The following BANK1 variants were observed in gnomAD, a reference collection of about 807,000 sequenced individuals.
The protein encoded by BANK1 is B cell scaffold protein with ankyrin repeats 1.
Under a neutral mutation model 94.5 loss-of-function variants are expected in BANK1, and 95 were observed. That is an observed-to-expected ratio of 1.00 (90% CI 0.85 to 1.19). The LOEUF (loss-of-function observed/expected upper bound fraction) is 1.19. Among genes scored for constraint, BANK1 ranks in the 50% most tolerant of loss-of-function variants. BANK1 has a pLI of 0.00. For missense variants in BANK1, 987 were observed against 932.2 expected (o/e 1.06, Z -0.77); for synonymous variants, 334 against 308.4 (o/e 1.08, Z -0.87).
intron 1 of BANK1, among the ~76,000 whole-genome samples, chr4:101,806,712 G>T (rs1018054833): frequency 6.6e-6 from 1 of 152,278 alleles, no homozygotes; most frequent in East Asian, 1.9e-4. Context: ...AATAGCTTTT[G>T]CTCAGCACTT....
chr4:102,000,074 C>T (rs1346814651), intron 7 of BANK1, among the ~76,000 whole-genome samples: 1 of 152,026 alleles, frequency 6.6e-6, no homozygotes, highest in African/African-American at 2.4e-5. Flanking sequence ...AATCCCAGCA[C>T]TTTGGGAGGC....
At chr4:101,937,646 G>A (rs1380371061) in intron 7 of BANK1, among the ~76,000 whole-genome samples, 2 of 151,896 alleles carry the variant, frequency 1.3e-5, no homozygotes, top group Admixed American at 1.3e-4. Flanking sequence ...TGATGGAAAT[G>A]TAAATTAGTT....
chr4:101,980,700 TTCTC>T (rs1299839980), intron 7 of BANK1, among the ~76,000 whole-genome samples: 1 of 152,046 alleles, frequency 6.6e-6, no homozygotes, highest in Non-Finnish European at 1.5e-5. Flanking sequence ...TGTTGAGTCT[TTCTC>T]TCCAAAGAAA....
intron 1 of BANK1, among the ~76,000 whole-genome samples, chr4:101,803,726 G>C (rs944295737): frequency 6.6e-6 from 1 of 151,860 alleles, no homozygotes; most frequent in Non-Finnish European, 1.5e-5. Flanking sequence ...GGCCGGGCGC[G>C]GTGGCTCACG....
At chr4:101,970,448 A>G (rs1724915677) in intron 7 of BANK1, among the ~76,000 whole-genome samples, 1 of 152,016 alleles carries the variant, frequency 6.6e-6, no homozygotes, top group Non-Finnish European at 1.5e-5. Context: ...AGAAATCCCC[A>G]ATTTCTTTCA....
Position 101,839,936 on chromosome 4 carries a change from AATTTTT to A in BANK1, c.469+9731_469+9736del, listed in dbSNP as rs1368142951. Among the ~76,000 whole-genome samples, 106 of 78,978 alleles carry A rather than the reference AATTTTT, an allele frequency of 1.3e-3. 6 individuals carry two copies. The highest frequency in any genetic ancestry group is 4.7e-3 in the African/African-American group (102 of 21,710). 51.8% of individuals were successfully genotyped at this position (78,978 alleles called of 152,430 possible). ...AGCTACTATATAATTTCAAATATTT[AATTTTT>A]TTTTTTTTTTTTTTTTTTTTTTTTT... On this transcript the variant is annotated intron_variant, in intron 2 of 16. Transcript: ENST00000322953.
At position 101,914,453 on chromosome 4, in the gene BANK1, C is replaced by T. The variant is rs555468568; in HGVS notation, c.1010-3540C>T. 2.0e-5 allele frequency among the ~76,000 whole-genome samples: 3 copies of T among 152,190 alleles called. No individual in the cohort carries two copies. The South Asian group carries it at 6.2e-4, about 32-fold the overall frequency. ...TAACTGGCCATGCTGCAATGGGAAA[C>T]CAATTTTGAACTCCCTCTCCAAAAT... On this transcript the variant is annotated intron_variant, in intron 6 of 16. Transcript: ENST00000322953.
intron 4 of BANK1, among the ~76,000 whole-genome samples, chr4:101,869,221 T>G (rs886870987): frequency 6.6e-6 from 1 of 151,964 alleles, no homozygotes; most frequent in East Asian, 1.9e-4. Context: ...CAAAATAATT[T>G]TTATGACTTA....
At position 102,043,866 on chromosome 4, in the gene BANK1, A is replaced by C; in HGVS notation, c.1928A>C (p.Gln643Pro). 1 of 1,603,798 alleles carries C rather than the reference A, an allele frequency of 6.2e-7. No homozygotes were observed. The highest frequency in any genetic ancestry group is 1.3e-5 in the African/African-American group (1 of 74,728). ...QVFQQKTARRQSDDDKFCGLP... is the reference protein window; with the variant it reads ...QVFQQKTARRPSDDDKFCGLP... The stretch of plus-strand genomic sequence containing the variant: ...TTTCAACAAAAGACAGCCAGAAGAC[A>C]ATCTGATGATGACAAGTTCTGTGGT... The change falls in exon 11 of 17, where the codon CAA becomes CCA. Residue 643 changes from glutamine (Q) to proline (P), a missense_variant. By Grantham distance (76) the Gln-to-Pro change is moderately conservative. Coordinates refer to ENST00000322953, the MANE Select transcript of BANK1 (RefSeq NM_017935.5).
At chr4:102,010,063 G>T (rs10024626) in intron 7 of BANK1, among the ~76,000 whole-genome samples, 62,725 of 151,752 alleles carry the variant, frequency 0.41, 14,041 homozygotes, top group East Asian at 0.58. Flanking sequence ...TCAGGAGATC[G>T]AGACCATCCT....
At position 101,980,211 on chromosome 4, in the gene BANK1, C is replaced by T. The variant is rs551491115; in HGVS notation, c.1207-41303C>T. On this transcript the variant is annotated intron_variant, in intron 7 of 16. Coordinates refer to ENST00000322953, the MANE Select transcript of BANK1 (RefSeq NM_017935.5). ...TTTCTGTGTCAATGTTAGAAAATTA[C>T]TCAAGAGACTCTAAAGAATTCTGCT... Among the ~76,000 whole-genome samples the T allele has an allele frequency of 9.9e-5, 15 of 151,918 alleles. No individual in the cohort carries two copies. The South Asian group carries it at 1.7e-3, about 17-fold the overall frequency.
At chr4:102,014,329 C>T (rs1726618868) in intron 7 of BANK1, among the ~76,000 whole-genome samples, 1 of 152,072 alleles carries the variant, frequency 6.6e-6, no homozygotes, top group Non-Finnish European at 1.5e-5. Context: ...ATGGCCTGCT[C>T]AACTTTGCTT....
chr4:102,038,594 G>T (rs571847356), intron 10 of BANK1, among the ~76,000 whole-genome samples: 1 of 152,240 alleles, frequency 6.6e-6, no homozygotes, highest in Non-Finnish European at 1.5e-5. Flanking sequence ...TGCTCACCCA[G>T]TGGTGACTGG....
chr4:101,971,420 A>G (rs747133119), intron 7 of BANK1, among the ~76,000 whole-genome samples: 2 of 152,136 alleles, frequency 1.3e-5, no homozygotes, highest in Non-Finnish European at 2.9e-5. Context: ...AGATGAACAT[A>G]GCTAGTATTT....
chr4:101,792,269 G>T (rs1032461196), intron 1 of BANK1, among the ~76,000 whole-genome samples: 1 of 62,012 alleles, frequency 1.6e-5, no homozygotes, highest in Non-Finnish European at 3.6e-5. Context: ...CCCCCGCCCC[G>T]CCCCTCCCAA....
intron 6 of BANK1, among the ~76,000 whole-genome samples, chr4:101,901,717 G>A (rs187612678): frequency 3.9e-5 from 6 of 152,200 alleles, no homozygotes; most frequent in Non-Finnish European, 7.4e-5. Flanking sequence ...AGGCTTGAAA[G>A]CTGAAGTAGT....
intron 7 of BANK1, among the ~76,000 whole-genome samples, chr4:101,998,872 TG>T (rs1207677328): frequency 6.6e-6 from 1 of 152,168 alleles, no homozygotes; most frequent in Non-Finnish European, 1.5e-5. Flanking sequence ...CTCTGGTGTT[TG>T]AATTCTCTGT....
At chr4:102,017,509 A>G (rs1726749715) in intron 7 of BANK1, among the ~76,000 whole-genome samples, 1 of 152,236 alleles carries the variant, frequency 6.6e-6, no homozygotes, top group Non-Finnish European at 1.5e-5. Context: ...ATGTGGCCTC[A>G]GAGGGAGAGA....
rs951183101 is a variant in BANK1 at position 101,955,110 on chromosome 4, A to C, written c.1206+36921A>C. Among the ~76,000 whole-genome samples the C allele has an allele frequency of 3.3e-5, 5 of 152,186 alleles. No individual in the cohort carries two copies. The South Asian group carries it at 6.2e-4, about 19-fold the overall frequency. On this transcript the variant is annotated intron_variant, in intron 7 of 16. Transcript: ENST00000322953. Reference sequence around the variant, plus strand: ...AAGCTACAGTGACAGGTGCTGTAGAAAGGGGATGATAGATTAGCTGTTGCT... The same window carrying C: ...AAGCTACAGTGACAGGTGCTGTAGACAGGGGATGATAGATTAGCTGTTGCT...
Sources: gnomAD v4.1 joint callset for allele counts (sites outside exome capture counted in the v4.1 genomes callset) on GRCh38, gnomAD v4.1.1 for gene constraint, MANE v1.5 for transcripts, NCBI Gene and HGNC (gene_info 2026-07-23, HGNC 2026-07-21) for gene names.